Variants in PLEKHA8 observed in about 807,000 individuals in gnomAD.
PLEKHA8 encodes the protein pleckstrin homology domain-containing family A member 8.
In PLEKHA8, 36 loss-of-function variants were observed where a neutral mutation model predicts 68.2. The observed-to-expected ratio is 0.53, with a 90% CI of 0.40 to 0.70. PLEKHA8 has a LOEUF of 0.70. Among genes scored for constraint, PLEKHA8 ranks in the 30% least tolerant of loss-of-function variants. The pLI is 0.00. For missense variants in PLEKHA8, 505 were observed against 615.4 expected (o/e 0.82, Z 1.90); for synonymous variants, 211 against 216.1 (o/e 0.98, Z 0.20).
downstream of PLEKHA8, among the ~76,000 whole-genome samples, chr7:30,093,431 A>G (rs1795490445): frequency 6.6e-6 from 1 of 152,194 alleles, no homozygotes; most frequent in African/African-American, 2.4e-5. Flanking sequence ...GTGAGCCCAG[A>G]CAGCCTGCCT....
At chr7:30,102,032 C>A (rs1795871611) in intron 13 of PLEKHA8, among the ~76,000 whole-genome samples, 1 of 152,188 alleles carries the variant, frequency 6.6e-6, no homozygotes, top group Non-Finnish European at 1.5e-5. Context: ...GCAAATCATA[C>A]ATCTGATAAG....
At chr7:30,028,860 T>A (rs1790420581) in intron 1 of PLEKHA8, 58 bp downstream of exon 1, 2 of 1,245,082 alleles carry the variant, frequency 1.6e-6, no homozygotes, top group Admixed American at 4.2e-5. Flanking sequence ...TCTGCGCGGC[T>A]GGAGGGCGGT....
intron 12 of PLEKHA8, among the ~76,000 whole-genome samples, chr7:30,062,986 G>A (rs1793555885): frequency 6.6e-6 from 1 of 152,168 alleles, no homozygotes; most frequent in East Asian, 1.9e-4. Context: ...TGAATAAGTG[G>A]AAAGCCATCT....
chr7:30,114,496 C>T (rs1229816631), intron 13 of PLEKHA8, among the ~76,000 whole-genome samples: 2 of 152,146 alleles, frequency 1.3e-5, no homozygotes, highest in African/African-American at 2.4e-5. Context: ...AGGTTTGTTC[C>T]GTTCTTGGTG....
intron 13 of PLEKHA8, among the ~76,000 whole-genome samples, chr7:30,095,779 G>A (rs1191992283): frequency 6.6e-6 from 1 of 152,170 alleles, no homozygotes; most frequent in Non-Finnish European, 1.5e-5. Context: ...TATTAAATAG[G>A]GAATCGTTTC....
chr7:30,062,052 A>G (rs751730359), intron 11 of PLEKHA8, 25 bp downstream of exon 11: 2 of 1,589,202 alleles, frequency 1.3e-6, no homozygotes, highest in South Asian at 2.3e-5. Context: ...GTGGGACAGC[A>G]GTTAAAATCT....
At chr7:30,033,012 A>G (rs755987712) in intron 1 of PLEKHA8, among the ~76,000 whole-genome samples, 1 of 152,244 alleles carries the variant, frequency 6.6e-6, no homozygotes, top group East Asian at 1.9e-4. Context: ...AGGTGGAGGA[A>G]GGTGACTCTT....
chr7:30,071,261 C>T (rs1794217718), intron 12 of PLEKHA8, among the ~76,000 whole-genome samples: 1 of 152,154 alleles, frequency 6.6e-6, no homozygotes, highest in African/African-American at 2.4e-5. Flanking sequence ...GGATAAAGGT[C>T]CTCACAATTT....
At chr7:30,121,199 T>G (rs1796691368) in intron 13 of PLEKHA8, among the ~76,000 whole-genome samples, 1 of 152,290 alleles carries the variant, frequency 6.6e-6, no homozygotes, top group Non-Finnish European at 1.5e-5. Context: ...CACGCATGCT[T>G]CCGTTTTCTT....
At chr7:30,114,563 C>G (rs574056839) in intron 13 of PLEKHA8, among the ~76,000 whole-genome samples, 8 of 152,294 alleles carry the variant, frequency 5.3e-5, no homozygotes, top group Non-Finnish European at 1.2e-4. Flanking sequence ...TTTACATTCC[C>G]TTTCCAATTG....
chr7:30,039,616 T>C (rs776859464), intron 1 of PLEKHA8, among the ~76,000 whole-genome samples: 9 of 152,256 alleles, frequency 5.9e-5, no homozygotes, highest in Non-Finnish European at 1.2e-4. Flanking sequence ...CATTTTCAGA[T>C]TTTTCATTGC....
At chr7:30,039,391 T>C (rs1444229974) in intron 1 of PLEKHA8, among the ~76,000 whole-genome samples, 2 of 152,076 alleles carry the variant, frequency 1.3e-5, no homozygotes, top group Non-Finnish European at 2.9e-5. Context: ...GGCGGGCGCC[T>C]GTAATCCCCA....
At chr7:30,123,860 T>C (rs920017073) in intron 13 of PLEKHA8, among the ~76,000 whole-genome samples, 4 of 152,208 alleles carry the variant, frequency 2.6e-5, no homozygotes, top group African/African-American at 9.6e-5. Context: ...CCCAGTGCAT[T>C]TCCTTTTCTA....
chr7:30,129,260 G>T (rs1432239016), intron 13 of PLEKHA8: 2 of 1,612,730 alleles, frequency 1.2e-6, no homozygotes, highest in Non-Finnish European at 1.7e-6. Context: ...TTTTATCCTG[G>T]TGTAGGTGTA....
rs1254188938 is a variant in PLEKHA8 at position 30,060,928 on chromosome 7, G to A, written c.1084G>A (p.Val362Ile). 1.9e-6 allele frequency: 3 copies of A among 1,613,208 alleles called. No individual in the cohort carries two copies. Among genetic ancestry groups the A allele is most frequent in the East Asian group, 4.5e-5 (2 of 44,802 alleles). The change falls in exon 10 of 14, where the codon GTT becomes ATT. Residue 362 changes from valine (V) to isoleucine (I), a missense_variant. Transcript: ENST00000449726. The stretch of plus-strand genomic sequence containing the variant: ...GTTTGCTCCTGTTAAGATGGATCTT[G>A]TTGGAAATATTAAGGTGAGCATACT... ...TVFAPVKMDL[V>I]GNIKKVNQKY...
intron 1 of PLEKHA8, among the ~76,000 whole-genome samples, chr7:30,037,098 G>A (rs1048073789): frequency 1.3e-5 from 2 of 152,022 alleles, no homozygotes; most frequent in East Asian, 1.9e-4. Context: ...TGGAGGTCAG[G>A]GGTAGCAAAT....
intron 1 of PLEKHA8, among the ~76,000 whole-genome samples, chr7:30,029,874 G>T (rs2127954929): frequency 6.6e-6 from 1 of 152,358 alleles, no homozygotes; most frequent in East Asian, 1.9e-4. Context: ...ACACAGCACA[G>T]CCAAAGGTGC....
At chr7:30,127,937 C>T (rs1460821536) in intron 13 of PLEKHA8, among the ~76,000 whole-genome samples, 1 of 152,060 alleles carries the variant, frequency 6.6e-6, no homozygotes, top group Non-Finnish European at 1.5e-5. Flanking sequence ...TTTGATGTTT[C>T]ATCCTATATT....
chr7:30,043,612 C>T lies in PLEKHA8; in HGVS notation c.41-1473C>T, dbSNP rs188930316. On this transcript the variant is annotated intron_variant, in intron 1 of 13. Transcript: ENST00000449726. ...CTGGCAGTCCTGAGTATTGCACTTT[C>T]TGGAAAAGCAGACCCTGATTAAGTA... Among the ~76,000 whole-genome samples, 26 of 152,236 alleles carry T rather than the reference C, an allele frequency of 1.7e-4. 1 individual carries two copies. The highest frequency in any genetic ancestry group is 1.5e-3 in the Admixed American group (23 of 15,296).
Sources: allele counts gnomAD v4.1 joint callset (sites outside exome capture counted in the v4.1 genomes callset), GRCh38; gene constraint gnomAD v4.1.1; transcripts MANE v1.5; gene names NCBI Gene and HGNC (gene_info 2026-07-23, HGNC 2026-07-21).